ATP9A: variants seen among roughly 807,000 people sequenced by gnomAD.
ATP9A encodes ATPase phospholipid transporting 9A.
In ATP9A, 52 loss-of-function variants were observed where a neutral mutation model predicts 144.1. The ratio of observed to expected loss-of-function variants is 0.36; its 90% CI spans 0.29 to 0.45. ATP9A has a LOEUF of 0.45. Among genes scored for constraint, ATP9A ranks in the 20% least tolerant of loss-of-function variants. The pLI is 1.00. For missense variants in ATP9A, 947 were observed against 1,392.7 expected, an observed-to-expected ratio of 0.68 and a Z score of 5.09; for synonymous variants, 582 against 557.4, an observed-to-expected ratio of 1.04 and a Z score of -0.62.
rs545898848 is a variant in ATP9A, at chr20:51,739,762, G to A, written c.69-9784C>T. ...TGGACATGGTGACAGGCTTGAGAAG[G>A]GACAGTGAGACCCCTGGCTGGGATT... On this transcript the variant is annotated intron_variant, in intron 1 of 27. Transcript: ENST00000338821. Among the ~76,000 whole-genome samples the A allele has an allele frequency of 4.6e-5, 7 of 152,256 alleles. No individual in the cohort carries two copies. In the East Asian group the frequency reaches 1.4e-3, roughly 29 times the overall value.
At chr20:51,610,909 C>T (rs1385503738) in intron 23 of ATP9A, among the ~76,000 whole-genome samples, 2 of 152,082 alleles carry the variant, frequency 1.3e-5, no homozygotes, top group East Asian at 3.9e-4. Context: ...ATTTACAAAC[C>T]CTCGCGGAAA....
chr20:51,709,416 C>A (rs1031944462), intron 4 of ATP9A, among the ~76,000 whole-genome samples: 3 of 151,800 alleles, frequency 2.0e-5, no homozygotes, highest in African/African-American at 7.3e-5. Flanking sequence ...TCGGGAGGCT[C>A]GGGCAGGAGA....
intron 1 of ATP9A, among the ~76,000 whole-genome samples, chr20:51,743,589 G>A (rs1362220885): frequency 1.6e-4 from 24 of 149,750 alleles, no homozygotes; most frequent in African/African-American, 4.6e-4. Flanking sequence ...TAGTAGAGAC[G>A]GGGTTTCACC....
At chr20:51,688,345 C>A (rs182676082) in intron 9 of ATP9A, among the ~76,000 whole-genome samples, 26 of 152,292 alleles carry the variant, frequency 1.7e-4, no homozygotes, top group Admixed American at 1.7e-3. Context: ...GTAATCCCAG[C>A]ACTTAGGGAG....
chr20:51,653,120 AC>A (rs141903279), intron 14 of ATP9A, among the ~76,000 whole-genome samples: 62,998 of 143,494 alleles, frequency 0.44, 15,026 homozygotes, highest in East Asian at 0.78. Flanking sequence ...AAAAAAAAAA[AC>A]AACCACAGCA....
chr20:51,693,549 A>G (rs1046440103), intron 7 of ATP9A, among the ~76,000 whole-genome samples: 5 of 151,982 alleles, frequency 3.3e-5, no homozygotes, highest in Non-Finnish European at 5.9e-5. Flanking sequence ...TTTATTAGAT[A>G]CAGGTGTCAC....
Position 51,614,977 on chromosome 20 carries a change from G to A in ATP9A, c.2416-1145C>T, listed in dbSNP as rs553523293. 7.6e-4 allele frequency among the ~76,000 whole-genome samples: 115 copies of A among 151,432 alleles called. 1 individual carries two copies. The highest frequency in any genetic ancestry group is 2.6e-3 in the African/African-American group (107 of 41,194). On this transcript the variant is annotated intron_variant, in intron 22 of 27. Transcript: ENST00000338821. ...GAAGACACTCAGAGGACAGATGGGG[G>A]AATTTGAGCATGAATATTATCCAGT...
chr20:51,723,752 T>A (rs1002433884), intron 3 of ATP9A, among the ~76,000 whole-genome samples: 1 of 151,764 alleles, frequency 6.6e-6, no homozygotes, highest in Non-Finnish European at 1.5e-5. Context: ...AGACAGGGTT[T>A]CACCATGTTG....
chr20:51,696,008 C>G, intron 6 of ATP9A, 85 bp downstream of exon 6: 1 of 1,278,968 alleles, frequency 7.8e-7, no homozygotes, highest in South Asian at 1.2e-5. Flanking sequence ...TGATAATCTA[C>G]TTTGTGACAT....
chr20:51,637,734 A>C (rs2077298785), intron 15 of ATP9A, among the ~76,000 whole-genome samples: 1 of 151,324 alleles, frequency 6.6e-6, no homozygotes, highest in African/African-American at 2.4e-5. Context: ...TTTTTGGGGA[A>C]CACATGGTGT....
chr20:51,740,430 C>G (rs2077779918), intron 1 of ATP9A, among the ~76,000 whole-genome samples: 1 of 145,088 alleles, frequency 6.9e-6, no homozygotes, highest in African/African-American at 2.6e-5. Context: ...GTCTGGCAGG[C>G]CAGGCGCGGT....
rs145397917 is a variant in ATP9A, at chr20:51,700,118, G to A, written c.437-2636C>T. On this transcript the variant is annotated intron_variant, in intron 4 of 27. Coordinates refer to ENST00000338821, the MANE Select transcript of ATP9A (RefSeq NM_006045.3). Reference sequence around the variant, plus strand: ...TGATGCTAAACTCAATTCAGTGACCGGAGCCCTGGCCTGCTAGAGAGAGAT... The same window carrying A: ...TGATGCTAAACTCAATTCAGTGACCAGAGCCCTGGCCTGCTAGAGAGAGAT... Among the ~76,000 whole-genome samples the A allele has an allele frequency of 1.2e-3, 177 of 152,240 alleles. 2 individuals carry two copies. The highest frequency in any genetic ancestry group is 1.4e-3 in the Non-Finnish European group (93 of 68,010).
intron 1 of ATP9A, among the ~76,000 whole-genome samples, chr20:51,733,563 C>T (rs746188754): frequency 5.3e-5 from 8 of 152,056 alleles, no homozygotes; most frequent in Non-Finnish European, 7.4e-5. Context: ...TAAGTAGAGA[C>T]GGGGTTTCAC....
intron 11 of ATP9A, among the ~76,000 whole-genome samples, chr20:51,672,891 G>A (rs1032678791): frequency 3.9e-5 from 6 of 152,040 alleles, no homozygotes; most frequent in Admixed American, 3.3e-4. Flanking sequence ...CCAATTTTTT[G>A]TAAAGGCAGA....
intron 1 of ATP9A, among the ~76,000 whole-genome samples, chr20:51,749,984 A>T (rs1239663758): frequency 6.6e-6 from 1 of 151,964 alleles, no homozygotes; most frequent in African/African-American, 2.4e-5. Flanking sequence ...CTACTTAAAA[A>T]AAGAAAAAAA....
chr20:51,598,486 T>C lies in ATP9A; in HGVS notation c.*2725A>G, dbSNP rs2077128678. 6.6e-6 allele frequency: 1 copy of C among 152,164 alleles called. No homozygotes were observed. The highest frequency in any genetic ancestry group is 2.4e-5 in the African/African-American group (1 of 41,432). 9.4% of individuals were successfully genotyped at this position (152,164 alleles called of 1,614,324 possible). ...AGGTGACAGTGTCAATGGCGCTTTA[T>C]GTAAGTTCTTTCCAGATTGATGAAC... On this transcript the variant is annotated 3_prime_UTR_variant, in exon 28 of 28. Coordinates refer to ENST00000338821, the MANE Select transcript of ATP9A (RefSeq NM_006045.3).
chr20:51,618,499 TAAC>T (rs2077212516), intron 21 of ATP9A, among the ~76,000 whole-genome samples, 160 bp downstream of exon 21: 2 of 151,980 alleles, frequency 1.3e-5, no homozygotes, highest in African/African-American at 4.8e-5. Context: ...TTAAAAATAA[TAAC>T]AAAAAGAGCC....
intron 17 of ATP9A, 119 bp from the exon 18 acceptor site, chr20:51,625,481 G>T: frequency 2.5e-6 from 3 of 1,209,040 alleles, no homozygotes; most frequent in South Asian, 1.6e-5. Context: ...GGGGACCCCA[G>T]CAGGTGAGCT....
In ATP9A at chr20:51,674,847, G is replaced by A. The variant is rs116572303; in HGVS notation, c.877-534C>T. Among the ~76,000 whole-genome samples the A allele has an allele frequency of 2.0e-3, 304 of 152,220 alleles. 3 individuals are homozygous for A. Among genetic ancestry groups the A allele is most frequent in the African/African-American group, 7.1e-3 (293 of 41,528 alleles). On this transcript the variant is annotated intron_variant, in intron 10 of 27. Coordinates refer to ENST00000338821, the MANE Select transcript of ATP9A (RefSeq NM_006045.3). ...TTTATTATTTATTTATTTAGAGATG[G>A]AGTCTCGCTTTGTCACCCAGGCTGG...
Sources: allele counts gnomAD v4.1 joint callset (sites outside exome capture counted in the v4.1 genomes callset), GRCh38; gene constraint gnomAD v4.1.1; transcripts MANE v1.5; gene names NCBI Gene and HGNC (gene_info 2026-07-23, HGNC 2026-07-21).